Variants in BMPR1B observed in about 807,000 individuals in gnomAD.
The protein encoded by BMPR1B is bone morphogenetic protein receptor type-1B.
In BMPR1B, 12 loss-of-function variants were observed where a neutral mutation model predicts 59.1. That is an observed-to-expected ratio of 0.20 (90% CI 0.13 to 0.33). The LOEUF is 0.33. Ranked by LOEUF, BMPR1B falls within the 10% of genes least tolerant of loss-of-function variation. The pLI is 1.00. For missense variants in BMPR1B, 550 were observed against 610.9 expected, an observed-to-expected ratio of 0.90 and a Z score of 1.05; for synonymous variants, 237 against 207.3, an observed-to-expected ratio of 1.14 and a Z score of -1.23.
At chr4:94,780,139 A>G (rs556780028) in intron 1 of BMPR1B, among the ~76,000 whole-genome samples, 12 of 152,134 alleles carry the variant, frequency 7.9e-5, no homozygotes, top group Non-Finnish European at 1.8e-4. Context: ...GCATGTGTTC[A>G]TTAATGAGAT....
At chr4:94,848,986 TAC>T (rs1288103733) in intron 1 of BMPR1B, among the ~76,000 whole-genome samples, 1 of 152,172 alleles carries the variant, frequency 6.6e-6, no homozygotes, top group Non-Finnish European at 1.5e-5. Context: ...CATTTTTAGA[TAC>T]ACTGAGATGT....
chr4:95,097,140 C>CTGTA (rs142967823), intron 3 of BMPR1B, among the ~76,000 whole-genome samples: 43 of 145,152 alleles, frequency 3.0e-4, no homozygotes, highest in African/African-American at 1.1e-3. Flanking sequence ...TTATATATAA[C>CTGTA]TAATATATAT....
intron 3 of BMPR1B, among the ~76,000 whole-genome samples, chr4:95,082,528 A>G (rs532181375): frequency 6.6e-6 from 1 of 152,228 alleles, no homozygotes; most frequent in African/African-American, 2.4e-5. Flanking sequence ...TAAACCTGTA[A>G]TAGGGGATAA....
rs200898725 is a variant in BMPR1B at position 94,901,674 on chromosome 4, C to CA, written c.-113+25781dup. Among the ~76,000 whole-genome samples the CA allele has an allele frequency of 7.4e-3, 1,121 of 151,826 alleles. 17 individuals are homozygous for CA. Among genetic ancestry groups the CA allele is most frequent in the African/African-American group, 0.026 (1,073 of 41,442 alleles). ...TATCCCTTTAAACCCGTCAAATTGG[C>CA]AAAAAAATAGTTGATATCTGATATC... On this transcript the variant is annotated intron_variant, in intron 2 of 12. Transcript: ENST00000515059.
At chr4:95,034,589 T>C (rs1040047810) in intron 3 of BMPR1B, among the ~76,000 whole-genome samples, 26 of 152,124 alleles carry the variant, frequency 1.7e-4, no homozygotes, top group African/African-American at 6.3e-4. Context: ...TCCATCCAGA[T>C]TACTGTGAAT....
chr4:94,884,741 G>T (rs947144098), intron 2 of BMPR1B, among the ~76,000 whole-genome samples: 1 of 152,112 alleles, frequency 6.6e-6, no homozygotes, highest in Non-Finnish European at 1.5e-5. Flanking sequence ...ATGCAGCAAT[G>T]CCCCCAAACT....
At chr4:95,041,420 C>T (rs573080640) in intron 3 of BMPR1B, among the ~76,000 whole-genome samples, 9 of 152,200 alleles carry the variant, frequency 5.9e-5, no homozygotes, top group Non-Finnish European at 1.2e-4. Context: ...GTTGGAAACT[C>T]CTGACCTCTG....
rs566275039 is a variant in BMPR1B at position 94,895,258 on chromosome 4, G to A, written c.-113+19358G>A. Among the ~76,000 whole-genome samples, 11 of 152,068 alleles carry A rather than the reference G, an allele frequency of 7.2e-5. No individual in the cohort carries two copies. The South Asian group carries it at 8.3e-4, about 11-fold the overall frequency. Reference sequence around the variant, plus strand: ...TTTAAGACGTGTTTATTCAAAGATGGCAGCACAGAGGTGAATAGGCTAAAT... The same window carrying A: ...TTTAAGACGTGTTTATTCAAAGATGACAGCACAGAGGTGAATAGGCTAAAT... On this transcript the variant is annotated intron_variant, in intron 2 of 12. Transcript: ENST00000515059.
intron 2 of BMPR1B, among the ~76,000 whole-genome samples, chr4:94,975,770 T>G (rs1298325286): frequency 6.6e-6 from 1 of 152,188 alleles, no homozygotes; most frequent in Non-Finnish European, 1.5e-5. Flanking sequence ...TTATAGACAA[T>G]GTCATTGAAA....
intron 1 of BMPR1B, among the ~76,000 whole-genome samples, chr4:94,832,665 C>T (rs1409548354): frequency 6.6e-6 from 1 of 152,092 alleles, no homozygotes; most frequent in Non-Finnish European, 1.5e-5. Flanking sequence ...CGCCTGTAAT[C>T]CCAGCTACTC....
chr4:95,109,854 T>TC (rs1419758746), intron 4 of BMPR1B, among the ~76,000 whole-genome samples: 7 of 93,926 alleles, frequency 7.5e-5, no homozygotes, highest in African/African-American at 2.4e-4. Flanking sequence ...ATGCTATCCC[T>TC]CCCCCCTCCC....
intron 3 of BMPR1B, among the ~76,000 whole-genome samples, chr4:95,098,859 G>GGTGCCCGCTACC (rs918186806): frequency 5.3e-5 from 8 of 152,044 alleles, no homozygotes; most frequent in Non-Finnish European, 1.2e-4. Context: ...TGGGACTACA[G>GGTGCCCGCTACC]GTGCCCGCTA....
At chr4:94,878,950 A>T (rs6815228) in intron 2 of BMPR1B, among the ~76,000 whole-genome samples, 42,829 of 151,912 alleles carry the variant, frequency 0.28, 7,658 homozygotes, top group African/African-American at 0.51. Flanking sequence ...AATGAATTTA[A>T]TGAAGTATAG....
At chr4:95,020,577 C>A (rs1300516511) in intron 3 of BMPR1B, among the ~76,000 whole-genome samples, 23 of 123,742 alleles carry the variant, frequency 1.9e-4, no homozygotes, top group African/African-American at 4.2e-4. Context: ...GACTCCATCT[C>A]AAAAAAAAAA....
chr4:94,906,170 GC>G (rs1000480945), intron 2 of BMPR1B, among the ~76,000 whole-genome samples: 3 of 151,876 alleles, frequency 2.0e-5, no homozygotes, highest in Non-Finnish European at 4.4e-5. Flanking sequence ...AAGATAAATA[GC>G]TCCTTAGATT....
chr4:94,768,015 C>T (rs967835074), intron 1 of BMPR1B, among the ~76,000 whole-genome samples: 1 of 151,180 alleles, frequency 6.6e-6, no homozygotes, highest in African/African-American at 2.4e-5. Flanking sequence ...ATGTTTCATA[C>T]GATTTGACTT....
intron 2 of BMPR1B, among the ~76,000 whole-genome samples, chr4:94,892,521 G>A (rs1727439644): frequency 6.6e-6 from 1 of 151,960 alleles, no homozygotes; most frequent in African/African-American, 2.4e-5. Context: ...CAAGTATGAT[G>A]TACTGTACCG....
chr4:95,099,602 G>GCACACGCACA (rs910737787), intron 3 of BMPR1B, among the ~76,000 whole-genome samples: 20 of 151,542 alleles, frequency 1.3e-4, no homozygotes, highest in Admixed American at 3.9e-4. Flanking sequence ...TTTCACGCGC[G>GCACACGCACA]CACACGCACA....
At chr4:95,060,138 A>G (rs1235858471) in intron 3 of BMPR1B, among the ~76,000 whole-genome samples, 2 of 152,320 alleles carry the variant, frequency 1.3e-5, no homozygotes, top group East Asian at 1.9e-4. Flanking sequence ...CGTTTTTAAC[A>G]TACAGGTCCC....
Sources: allele counts gnomAD v4.1 joint callset (sites outside exome capture counted in the v4.1 genomes callset), GRCh38; gene constraint gnomAD v4.1.1; transcripts MANE v1.5; gene names NCBI Gene and HGNC (gene_info 2026-07-23, HGNC 2026-07-21).